The following PHC2 variants were observed in gnomAD, a reference collection of about 807,000 sequenced individuals.
PHC2 encodes polyhomeotic homolog 2.
Under a neutral mutation model 87.4 loss-of-function variants are expected in PHC2, and 29 were observed. That is an observed-to-expected ratio of 0.33 (90% CI 0.25 to 0.45). PHC2 has a LOEUF of 0.45. Among genes scored for constraint, PHC2 ranks in the 20% least tolerant of loss-of-function variants. PHC2 has a pLI of 1.00. For missense variants in PHC2, 857 were observed against 1,136.7 expected, an observed-to-expected ratio of 0.75 and a Z score of 3.54; for synonymous variants, 438 against 461.7, an observed-to-expected ratio of 0.95 and a Z score of 0.66.
In PHC2 at chr1:33,324,554, G is replaced by A. The variant is rs949764959; in HGVS notation, c.*311C>T. 2.1e-5 allele frequency: 5 copies of A among 240,600 alleles called. No individual in the cohort carries two copies. The highest frequency in any genetic ancestry group is 4.0e-5 in the Non-Finnish European group (5 of 125,376). The allele number at this position is 240,600 out of a possible 1,614,324, so 14.9% of individuals were successfully genotyped here. ...GGGGAGCCCTGACCATATACCCCCT[G>A]GAAAATGGGGGACAGAAAGAGGGGA... On this transcript the variant is annotated 3_prime_UTR_variant, in exon 15 of 15. Coordinates refer to ENST00000683057, the MANE Select transcript of PHC2 (RefSeq NM_001385109.1).
chr1:33,328,987 G>A lies in PHC2; in HGVS notation c.2308C>T (p.Leu770=). The change falls in exon 14 of 15, where the codon CTG becomes TTG. Residue 770 remains leucine (L), a synonymous_variant. Transcript: ENST00000683057. ...CGCATATGCATGTCGGGGAGCTCCAGGTCCCGCTGGCCTTGTCGCCGGCGG... is the reference window on the plus strand; with the variant it reads ...CGCATATGCATGTCGGGGAGCTCCAAGTCCCGCTGGCCTTGTCGCCGGCGG... ...TSRRRQGQRD[L]ELPDMHMRDL... The A allele has an allele frequency of 6.2e-7, 1 of 1,614,246 alleles. No individual in the cohort carries two copies. The highest frequency in any genetic ancestry group is 1.1e-5 in the South Asian group (1 of 91,088).
chr1:33,412,675 TA>T (rs1347378240), intron 1 of PHC2, among the ~76,000 whole-genome samples: 23 of 152,316 alleles, frequency 1.5e-4, no homozygotes, highest in South Asian at 1.0e-3. Context: ...CCTACCCTAA[TA>T]AGTGGCAAAT....
rs1557830942 is a variant in PHC2 at position 33,356,261 on chromosome 1, A to ATATATATATATATG, written c.977-1009_977-1008insCATATATATATATA. Among the ~76,000 whole-genome samples, 6 of 85,680 alleles carry ATATATATATATATG rather than the reference A, an allele frequency of 7.0e-5. 1 individual carries two copies. Among genetic ancestry groups the ATATATATATATATG allele is most frequent in the Non-Finnish European group, 1.5e-4 (6 of 39,540 alleles). 56.2% of individuals were successfully genotyped at this position (85,680 alleles called of 152,430 possible). On this transcript the variant is annotated intron_variant, in intron 7 of 14. Transcript: ENST00000683057. ...GAGGTGAAAATTCTTATATATATAT[A>ATATATATATATATG]TATATATATATATATGTATATATAT...
intron 1 of PHC2, among the ~76,000 whole-genome samples, chr1:33,397,427 G>A (rs1011765992): frequency 3.9e-5 from 6 of 152,134 alleles, no homozygotes; most frequent in Non-Finnish European, 7.3e-5. Flanking sequence ...GGTCATTCAC[G>A]TGCACATTAA....
At chr1:33,423,048 A>C (rs1051538216) in intron 1 of PHC2, among the ~76,000 whole-genome samples, 4 of 152,126 alleles carry the variant, frequency 2.6e-5, no homozygotes, top group African/African-American at 9.7e-5. Flanking sequence ...GAGAGAGTAC[A>C]GATGGAAGGC....
rs145448809 is a variant in PHC2, at chr1:33,364,410, A to ACACGCACACACACACACACACG, written c.976+2705_976+2706insCGTGTGTGTGTGTGTGTGCGTG. Among the ~76,000 whole-genome samples, 6 of 150,038 alleles carry ACACGCACACACACACACACACG rather than the reference A, an allele frequency of 4.0e-5. No individual in the cohort carries two copies. Among genetic ancestry groups the ACACGCACACACACACACACACG allele is most frequent in the African/African-American group, 1.5e-4 (6 of 40,656 alleles). On this transcript the variant is annotated intron_variant, in intron 7 of 14. Coordinates refer to ENST00000683057, the MANE Select transcript of PHC2 (RefSeq NM_001385109.1). This position sits in a 1 kb window ranked among gnomAD's most constrained non-coding sequence, Gnocchi z 4.1. ...TGCTTTCACACACACACACACACAC[A>ACACGCACACACACACACACACG]CACACACACACACACGCTCAAGCAC...
intron 1 of PHC2, among the ~76,000 whole-genome samples, chr1:33,408,607 T>C (rs931737750): frequency 6.6e-6 from 1 of 152,084 alleles, no homozygotes; most frequent in African/African-American, 2.4e-5. Context: ...ACTACAGGCA[T>C]GTGCCACCAT....
intron 9 of PHC2, among the ~76,000 whole-genome samples, chr1:33,335,611 G>T (rs1646611044): frequency 6.6e-6 from 1 of 152,220 alleles, no homozygotes; most frequent in South Asian, 2.1e-4. Context: ...TTGAGAAAAG[G>T]TGGTTTAGGG....
In PHC2 at chr1:33,335,975, TTTG is replaced by T. The variant is rs112382571; in HGVS notation, c.1559-1686_1559-1684del. Among the ~76,000 whole-genome samples the T allele has an allele frequency of 6.0e-4, 89 of 149,354 alleles. 1 individual carries two copies. Among genetic ancestry groups the T allele is most frequent in the African/African-American group, 1.8e-3 (71 of 40,272 alleles). The stretch of plus-strand genomic sequence containing the variant: ...GTCTTGGTCCACTCAAGCTCATGTT[TTTG>T]TTGTTGTTGTTGTTGTTGTTTTTTT... On this transcript the variant is annotated intron_variant, in intron 9 of 14. Transcript: ENST00000683057.
rs116688217 is a variant in PHC2 at position 33,348,129 on chromosome 1, A to C, written c.1558+6272T>G. On this transcript the variant is annotated intron_variant, in intron 9 of 14. Coordinates refer to ENST00000683057, the MANE Select transcript of PHC2 (RefSeq NM_001385109.1). ...GCTGTGCTGGTTATCTTAAGGTTCA[A>C]GACAGCCTCTTGCCCGATAACCAAC... Among the ~76,000 whole-genome samples, 545 of 152,348 alleles carry C rather than the reference A, an allele frequency of 3.6e-3. 2 individuals carry two copies. The highest frequency in any genetic ancestry group is 0.013 in the African/African-American group (522 of 41,572).
chr1:33,420,485 G>T (rs1249985895), intron 1 of PHC2, among the ~76,000 whole-genome samples: 4 of 152,066 alleles, frequency 2.6e-5, no homozygotes, highest in African/African-American at 9.7e-5. Flanking sequence ...ATGACCACAG[G>T]TACTGGAACT....
At chr1:33,392,998 C>A (rs1457371224) in intron 1 of PHC2, among the ~76,000 whole-genome samples, 1 of 152,126 alleles carries the variant, frequency 6.6e-6, no homozygotes, top group Non-Finnish European at 1.5e-5. Context: ...ACTATTGAAG[C>A]CAGGCACATG....
At position 33,367,195 on chromosome 1, in the gene PHC2, A is replaced by G; in HGVS notation, c.897T>C (p.Ser299=). 2 of 1,614,104 alleles carry G rather than the reference A, an allele frequency of 1.2e-6. No homozygotes were observed. The highest frequency in any genetic ancestry group is 1.7e-6 in the Non-Finnish European group (2 of 1,180,000). The change falls in exon 7 of 15, where the codon AGT becomes AGC. Residue 299 remains serine, a synonymous_variant. Transcript: ENST00000683057. ...EPHKKGDGNS[S]VPGSMEGRAG... ...CCCGGCCTTCCATGCTCCCTGGCAC[A>G]CTGCTGTTGCCATCTCCTTTCTTGT...
At position 33,349,179 on chromosome 1, in the gene PHC2, C is replaced by A; in HGVS notation, c.1558+5222G>T. ...TGAACTAGATTAAAAACAAAACTCTCCAGCGAAGCCGCAGGCGCCTCCAAG... is the reference window on the plus strand; with the variant it reads ...TGAACTAGATTAAAAACAAAACTCTACAGCGAAGCCGCAGGCGCCTCCAAG... On this transcript the variant is annotated intron_variant, in intron 9 of 14. Coordinates refer to ENST00000683057, the MANE Select transcript of PHC2 (RefSeq NM_001385109.1). This position sits in a 1 kb window ranked among gnomAD's most constrained non-coding sequence, Gnocchi z 4.2. 1.0e-6 allele frequency: 1 copy of A among 985,476 alleles called. No individual in the cohort carries two copies. The highest frequency in any genetic ancestry group is 1.2e-6 in the Non-Finnish European group (1 of 829,940). The allele number at this position is 985,476 out of a possible 1,614,324, so 61.0% of individuals were successfully genotyped here. A position where few individuals can be genotyped will look rare whatever the true frequency, so the allele number is the denominator to read the frequency against.
intron 14 of PHC2, among the ~76,000 whole-genome samples, chr1:33,328,300 C>T (rs776072490): frequency 2.0e-5 from 3 of 152,094 alleles, no homozygotes; most frequent in Non-Finnish European, 4.4e-5. Flanking sequence ...TCTGCATGTG[C>T]GCCCTCTTGC....
intron 9 of PHC2, among the ~76,000 whole-genome samples, chr1:33,348,687 C>T (rs1057487786): frequency 6.6e-6 from 1 of 151,922 alleles, no homozygotes; most frequent in Non-Finnish European, 1.5e-5. Flanking sequence ...AGATCAAACA[C>T]GGGAGATATC....
chr1:33,354,267 C>T, intron 9 of PHC2, 134 bp downstream of exon 9: 1 of 768,818 alleles, frequency 1.3e-6, no homozygotes, highest in South Asian at 1.8e-5. Flanking sequence ...CATCCCTCCT[C>T]TGTTTCCAAC....
intron 1 of PHC2, among the ~76,000 whole-genome samples, chr1:33,417,743 T>C (rs544455249): frequency 6.6e-6 from 1 of 152,240 alleles, no homozygotes; most frequent in South Asian, 2.1e-4. Flanking sequence ...AATTAATACA[T>C]ATATAAAAGA....
At chr1:33,372,235 G>A (rs1164657620) in intron 3 of PHC2, 54 bp downstream of exon 3, 2 of 1,470,666 alleles carry the variant, frequency 1.4e-6, no homozygotes, top group Admixed American at 2.3e-5. Context: ...TCTCCCTTTT[G>A]CTTCCACAAC....
Sources: gnomAD v4.1 joint callset for allele counts (sites outside exome capture counted in the v4.1 genomes callset) on GRCh38, gnomAD v4.1.1 for gene constraint, Gnocchi (gnomAD v3.1) non-coding constraint, MANE v1.5 for transcripts, NCBI Gene and HGNC (gene_info 2026-07-23, HGNC 2026-07-21) for gene names.